The following KCNQ3 variants were observed in gnomAD, a reference collection of about 807,000 sequenced individuals.
KCNQ3 encodes potassium voltage-gated channel subfamily KQT member 3.
KCNQ3 carries 30 observed loss-of-function variants against 92.5 expected under a neutral mutation model. That is an observed-to-expected ratio of 0.32 (90% CI 0.24 to 0.44). The LOEUF is 0.44. Ranked by LOEUF, KCNQ3 falls within the 20% of genes least tolerant of loss-of-function variation. KCNQ3 has a pLI of 1.00. For synonymous variants in KCNQ3, 450 were observed against 468.8 expected (o/e 0.96, Z 0.52); for missense variants, 913 against 1,140.3 (o/e 0.80, Z 2.87).
At chr8:132,175,844 C>T (rs375300575) in intron 4 of KCNQ3, among the ~76,000 whole-genome samples, 150 of 152,334 alleles carry the variant, frequency 9.8e-4, no homozygotes, top group African/African-American at 3.5e-3. Context: ...AGGAAGATTT[C>T]TAGCTTAGGG....
At chr8:132,466,020 T>C (rs962492733) in intron 1 of KCNQ3, among the ~76,000 whole-genome samples, 1 of 152,122 alleles carries the variant, frequency 6.6e-6, no homozygotes, top group Non-Finnish European at 1.5e-5. Flanking sequence ...TACCATAATA[T>C]TAACAAGGAG....
intron 1 of KCNQ3, among the ~76,000 whole-genome samples, chr8:132,337,037 C>A (rs1319537368): frequency 6.6e-6 from 1 of 152,130 alleles, no homozygotes; most frequent in African/African-American, 2.4e-5. Flanking sequence ...TGCATTTTTT[C>A]CTTCTAAAAA....
At chr8:132,152,412 T>C (rs1157731605) in intron 9 of KCNQ3, among the ~76,000 whole-genome samples, 1 of 152,234 alleles carries the variant, frequency 6.6e-6, no homozygotes, top group Non-Finnish European at 1.5e-5. Flanking sequence ...GGAGCATGTT[T>C]CTTTCTGTCT....
intron 1 of KCNQ3, among the ~76,000 whole-genome samples, chr8:132,335,769 GGA>G (rs1818353844): frequency 6.6e-6 from 1 of 152,182 alleles, no homozygotes; most frequent in African/African-American, 2.4e-5. Context: ...TGCTGTCGGG[GGA>G]AGGGGTGGAA....
intron 1 of KCNQ3, among the ~76,000 whole-genome samples, chr8:132,328,816 C>T (rs1045836916): frequency 6.6e-6 from 1 of 152,174 alleles, no homozygotes; most frequent in African/African-American, 2.4e-5. Flanking sequence ...TCATTTTTAC[C>T]TGCTCCTTCC....
At chr8:132,378,416 A>T (rs765836464) in intron 1 of KCNQ3, among the ~76,000 whole-genome samples, 2 of 152,162 alleles carry the variant, frequency 1.3e-5, no homozygotes, top group African/African-American at 4.8e-5. Flanking sequence ...AGACAATACT[A>T]AAAACATTAA....
intron 1 of KCNQ3, among the ~76,000 whole-genome samples, chr8:132,395,019 C>T (rs1043442549): frequency 6.6e-6 from 1 of 152,222 alleles, no homozygotes; most frequent in African/African-American, 2.4e-5. Context: ...GCGCAAGCCT[C>T]ATGCATTTAG....
At chr8:132,346,843 T>C (rs990425059) in intron 1 of KCNQ3, among the ~76,000 whole-genome samples, 5 of 152,140 alleles carry the variant, frequency 3.3e-5, no homozygotes, top group Non-Finnish European at 7.3e-5. Flanking sequence ...TTGCTGATGG[T>C]AGAGCTGCCC....
intron 9 of KCNQ3, among the ~76,000 whole-genome samples, chr8:132,155,719 A>T (rs1258842482): frequency 6.6e-6 from 1 of 152,212 alleles, no homozygotes; most frequent in East Asian, 1.9e-4. Context: ...TATAGCACAA[A>T]GGACCTGAAG....
chr8:132,319,359 A>G (rs183247818), intron 1 of KCNQ3, among the ~76,000 whole-genome samples: 9 of 152,334 alleles, frequency 5.9e-5, no homozygotes, highest in African/African-American at 2.2e-4. Context: ...CTGTTTGTCA[A>G]CAGGCTCACT....
At chr8:132,195,789 T>C (rs1295086976) in intron 1 of KCNQ3, among the ~76,000 whole-genome samples, 1 of 152,084 alleles carries the variant, frequency 6.6e-6, no homozygotes, top group South Asian at 2.1e-4. Context: ...GATCCAAAGA[T>C]ACAAATAGGT....
At chr8:132,246,158 C>G (rs1815169056) in intron 1 of KCNQ3, among the ~76,000 whole-genome samples, 1 of 152,166 alleles carries the variant, frequency 6.6e-6, no homozygotes, top group African/African-American at 2.4e-5. Context: ...CAGCTGCTTA[C>G]AGAAAACAGA....
In KCNQ3 at chr8:132,129,063, T is replaced by G. The variant is rs1340581792; in HGVS notation, c.*199A>C. On this transcript the variant is annotated 3_prime_UTR_variant, in exon 15 of 15. Transcript: ENST00000388996. The surrounding 1 kb of genome is among the most constrained non-coding windows in gnomAD (Gnocchi z 5.9). ...ATATAGTGTAAAGTCATGCAAACCA[T>G]GCTGAAAAGGAAGCACTTTGTTGTG... 3.3e-6 allele frequency: 2 copies of G among 614,120 alleles called. No individual in the cohort carries two copies. Among genetic ancestry groups the G allele is most frequent in the Non-Finnish European group, 5.7e-6 (2 of 347,908 alleles). The allele number at this position is 614,120 out of a possible 1,614,324, so 38.0% of individuals were successfully genotyped here.
chr8:132,264,411 C>T (rs978474409), intron 1 of KCNQ3, among the ~76,000 whole-genome samples: 4 of 152,154 alleles, frequency 2.6e-5, no homozygotes, highest in Admixed American at 6.5e-5. Flanking sequence ...ACCCTCCTGG[C>T]CATTTCTGGT....
chr8:132,303,688 AG>A (rs1817320989), intron 1 of KCNQ3, among the ~76,000 whole-genome samples: 1 of 123,736 alleles, frequency 8.1e-6, no homozygotes, highest in Admixed American at 8.5e-5. Context: ...ACACACACAC[AG>A]CCACACCACA....
intron 1 of KCNQ3, among the ~76,000 whole-genome samples, chr8:132,302,911 G>A (rs1417725553): frequency 1.3e-5 from 2 of 152,192 alleles, no homozygotes; most frequent in African/African-American, 4.8e-5. Flanking sequence ...AGCTGCTCAG[G>A]AGAACCTATT....
intron 1 of KCNQ3, among the ~76,000 whole-genome samples, chr8:132,228,741 GC>G (rs1814523294): frequency 6.7e-6 from 1 of 149,264 alleles, no homozygotes; most frequent in South Asian, 2.1e-4. Flanking sequence ...TCCAGAAGTA[GC>G]CCCTCAGCTG....
At chr8:132,434,179 G>T (rs907862106) in intron 1 of KCNQ3, among the ~76,000 whole-genome samples, 4 of 146,142 alleles carry the variant, frequency 2.7e-5, no homozygotes, top group African/African-American at 1.0e-4. Context: ...CTGCACTCCA[G>T]CCTGGGTGAC....
intron 1 of KCNQ3, among the ~76,000 whole-genome samples, chr8:132,260,601 G>A (rs1040816076): frequency 1.3e-5 from 2 of 152,124 alleles, no homozygotes; most frequent in East Asian, 1.9e-4. Context: ...GGGTGGCTGG[G>A]GTAGGCATTA....
Sources: allele counts gnomAD v4.1 joint callset (sites outside exome capture counted in the v4.1 genomes callset), GRCh38; gene constraint gnomAD v4.1.1; non-coding constraint Gnocchi (gnomAD v3.1); transcripts MANE v1.5; gene names NCBI Gene and HGNC (gene_info 2026-07-23, HGNC 2026-07-21).